The following KLHL13 variants were observed in gnomAD, a reference collection of about 807,000 sequenced individuals.
The protein encoded by KLHL13 is kelch-like protein 13.
In KLHL13, 10 loss-of-function variants were observed where a neutral mutation model predicts 37.1. The observed-to-expected ratio is 0.27, with a 90% CI of 0.17 to 0.46. The LOEUF is 0.46. Among genes scored for constraint, KLHL13 ranks in the 20% least tolerant of loss-of-function variants. KLHL13 has a pLI of 1.00. For missense variants in KLHL13, 360 were observed against 509.3 expected, an observed-to-expected ratio of 0.71 and a Z score of 2.82; for synonymous variants, 163 against 181.2, an observed-to-expected ratio of 0.90 and a Z score of 0.81.
intron 1 of KLHL13, among the ~76,000 whole-genome samples, chrX:117,954,808 G>A (rs772896830): frequency 1.8e-5 from 2 of 112,056 alleles, no homozygotes; most frequent in Non-Finnish European, 3.8e-5. Flanking sequence ...TCGCCCTACA[G>A]CTAGCACCCA....
intron 5 of KLHL13, among the ~76,000 whole-genome samples, chrX:117,908,215 T>C (rs1277966125): frequency 1.8e-5 from 2 of 108,774 alleles, no homozygotes; most frequent in African/African-American, 6.6e-5. Flanking sequence ...TGTCTTTCTG[T>C]CTTTTTTGTA....
intron 1 of KLHL13, among the ~76,000 whole-genome samples, chrX:118,085,707 T>C (rs1006944747): frequency 1.8e-5 from 2 of 110,090 alleles, no homozygotes; most frequent in African/African-American, 6.6e-5. Flanking sequence ...ATTCCTGAGT[T>C]ACTTCACTCA....
chrX:118,080,101 C>T (rs1054761734), intron 1 of KLHL13, among the ~76,000 whole-genome samples: 1 of 111,843 alleles, frequency 8.9e-6, no homozygotes, highest in African/African-American at 3.2e-5. Flanking sequence ...AAACTGGATA[C>T]TTGCCTTTCA....
At position 117,967,454 on chromosome X, in the gene KLHL13, A is replaced by G. The variant is rs148212017; in HGVS notation, c.98+5277T>C. ...GGCCATACTTAAGTCTCAACTAAAT[A>G]TTCTAAGTTTCAAGCAGAATGTATG... On this transcript the variant is annotated intron_variant, in intron 1 of 6. Transcript: ENST00000262820. Among the ~76,000 whole-genome samples, 100 of 111,335 alleles carry G rather than the reference A, an allele frequency of 9.0e-4. 5 individuals are homozygous for G. The East Asian group carries it at 0.016, about 17-fold the overall frequency.
intron 1 of KLHL13, among the ~76,000 whole-genome samples, chrX:118,089,620 GAGAAAGAA>G (rs3046168): frequency 0.064 from 4,576 of 71,792 alleles, 160 homozygotes; most frequent in East Asian, 0.17. Context: ...GAGAAAGAAA[GAGAAAGAA>G]AGAAAGAAAG....
chrX:118,091,688 T>C (rs1223889104), intron 1 of KLHL13, among the ~76,000 whole-genome samples: 1 of 110,308 alleles, frequency 9.1e-6, no homozygotes, highest in Non-Finnish European at 1.9e-5. Flanking sequence ...ATATGAGAGA[T>C]AAGAAGGAGA....
At chrX:118,035,512 T>C (rs1367572332) in intron 1 of KLHL13, among the ~76,000 whole-genome samples, 1 of 109,370 alleles carries the variant, frequency 9.1e-6, no homozygotes, top group African/African-American at 3.5e-5. Context: ...TCTCAAAAGA[T>C]GCAGAAAAGG....
chrX:117,922,377 G>C (rs759078293), intron 2 of KLHL13, among the ~76,000 whole-genome samples: 2 of 111,725 alleles, frequency 1.8e-5, no homozygotes, highest in Non-Finnish European at 3.8e-5. Flanking sequence ...AGCATCAGCT[G>C]AAACAGTTGA....
chrX:117,952,067 T>C (rs752099508), intron 1 of KLHL13, among the ~76,000 whole-genome samples: 252 of 111,341 alleles, frequency 2.3e-3, no homozygotes, highest in African/African-American at 7.6e-3. Context: ...AAAGTTCATA[T>C]GGAACCAAAA....
At chrX:118,075,088 G>A (rs2054915006) in intron 1 of KLHL13, among the ~76,000 whole-genome samples, 1 of 111,580 alleles carries the variant, frequency 9.0e-6, no homozygotes, top group Non-Finnish European at 1.9e-5. Flanking sequence ...GCTTCTGAGA[G>A]GTGACAAAGG....
At chrX:118,100,543 T>C (rs1055310371) in intron 1 of KLHL13, among the ~76,000 whole-genome samples, 1 of 111,290 alleles carries the variant, frequency 9.0e-6, no homozygotes, top group African/African-American at 3.3e-5. Context: ...TATTTTTAAA[T>C]TGGCACATTA....
At chrX:117,913,555 GAAC>G (rs1384310688) in intron 4 of KLHL13, among the ~76,000 whole-genome samples, 3 of 112,328 alleles carry the variant, frequency 2.7e-5, no homozygotes, top group Non-Finnish European at 5.6e-5. Flanking sequence ...CATTTAAAAA[GAAC>G]AACAAGGCCG....
At chrX:118,032,560 G>A (rs1297873506) in intron 1 of KLHL13, among the ~76,000 whole-genome samples, 3 of 112,024 alleles carry the variant, frequency 2.7e-5, no homozygotes, top group Non-Finnish European at 5.6e-5. Context: ...CTAACAAACA[G>A]AAAGGACATC....
intron 1 of KLHL13, among the ~76,000 whole-genome samples, chrX:118,101,046 G>C (rs1009541422): frequency 2.7e-5 from 3 of 111,819 alleles, no homozygotes; most frequent in Admixed American, 9.6e-5. Context: ...TTAGTCGTGT[G>C]TCCTTTTAAA....
At chrX:117,911,698 C>T (rs1602538021) in intron 4 of KLHL13, among the ~76,000 whole-genome samples, 1 of 111,633 alleles carries the variant, frequency 9.0e-6, no homozygotes. Context: ...TGGTTTCCAG[C>T]TTCATTCATG....
chrX:118,013,982 G>A (rs5956848), intron 1 of KLHL13, among the ~76,000 whole-genome samples: 1,978 of 111,633 alleles, frequency 0.018, 38 homozygotes, highest in African/African-American at 0.06. Context: ...TGTTATCTTC[G>A]TAAGCGGAGA....
chrX:117,915,611 T>A (rs952103969), intron 4 of KLHL13, among the ~76,000 whole-genome samples: 1 of 112,431 alleles, frequency 8.9e-6, no homozygotes, highest in Non-Finnish European at 1.9e-5. Flanking sequence ...TAAAAAATGC[T>A]TTTATACAAA....
At chrX:117,988,215 A>G (rs1190168348) in intron 1 of KLHL13, among the ~76,000 whole-genome samples, 2 of 112,199 alleles carry the variant, frequency 1.8e-5, no homozygotes. Flanking sequence ...TAAGTTGCAA[A>G]GGCAGAAAGG....
At chrX:118,089,417 C>T (rs1376917280) in intron 1 of KLHL13, among the ~76,000 whole-genome samples, 1 of 109,097 alleles carries the variant, frequency 9.2e-6, no homozygotes, top group East Asian at 2.9e-4. Context: ...AAAAACCACC[C>T]TCTTAGGTAT....
Sources: gnomAD v4.1 joint callset for allele counts (sites outside exome capture counted in the v4.1 genomes callset) on GRCh38, gnomAD v4.1.1 for gene constraint, MANE v1.5 for transcripts, NCBI Gene and HGNC (gene_info 2026-07-23, HGNC 2026-07-21) for gene names.